Variants in PHAF1 observed in about 807,000 individuals in gnomAD.
PHAF1 encodes phagophore assembly factor 1.
PHAF1 carries 23 observed loss-of-function variants against 63.1 expected under a neutral mutation model. The observed-to-expected ratio is 0.36, with a 90% CI of 0.26 to 0.52. PHAF1 has a LOEUF of 0.52. Among genes scored for constraint, PHAF1 ranks in the 20% least tolerant of loss-of-function variants. PHAF1 has a pLI of 0.93. For synonymous variants in PHAF1, 167 were observed against 185.0 expected (o/e 0.90, Z 0.79); for missense variants, 427 against 517.2 (o/e 0.83, Z 1.69).
chr16:67,139,208 C>T (rs1033485083), intron 8 of PHAF1, among the ~76,000 whole-genome samples: 7 of 151,904 alleles, frequency 4.6e-5, no homozygotes, highest in African/African-American at 1.7e-4. Context: ...AGGCAAGAGC[C>T]ACCACACCCG....
chr16:67,114,915 T>C (rs745316898), intron 1 of PHAF1, among the ~76,000 whole-genome samples: 2 of 152,230 alleles, frequency 1.3e-5, no homozygotes, highest in Non-Finnish European at 2.9e-5. Flanking sequence ...ACAGAGAAGA[T>C]GAAAAGATCA....
intron 3 of PHAF1, among the ~76,000 whole-genome samples, chr16:67,130,756 A>C (rs1051486431): frequency 3.9e-5 from 6 of 152,196 alleles, no homozygotes; most frequent in Non-Finnish European, 8.8e-5. Context: ...AACAAGCTTC[A>C]TGTCTGTGGA....
intron 15 of PHAF1, among the ~76,000 whole-genome samples, 170 bp from the exon 16 acceptor site, chr16:67,146,875 G>A (rs1157501167): frequency 4.6e-5 from 7 of 152,122 alleles, no homozygotes. Flanking sequence ...TGAGAAACAG[G>A]CAGATCTCAG....
intron 9 of PHAF1, 53 bp downstream of exon 9, chr16:67,140,170 A>G: frequency 6.4e-7 from 1 of 1,570,252 alleles, no homozygotes; most frequent in Non-Finnish European, 8.7e-7. Context: ...CACTAATTTA[A>G]TATTGAGTAT....
chr16:67,123,235 C>T (rs1963056109), intron 2 of PHAF1, among the ~76,000 whole-genome samples: 1 of 151,798 alleles, frequency 6.6e-6, no homozygotes, highest in Admixed American at 6.6e-5. Context: ...CCTCAGCCTC[C>T]TGGGTAGCTG....
Position 67,111,147 on chromosome 16 carries a change from C to G in PHAF1, c.64+908C>G, listed in dbSNP as rs1386377552. 2.6e-5 allele frequency among the ~76,000 whole-genome samples: 4 copies of G among 152,148 alleles called. No individual in the cohort carries two copies. The South Asian group carries it at 6.2e-4, about 24-fold the overall frequency. ...CTCTCTTTTGAAATATAGTCTGTAT[C>G]GGATGCTGTAATCCTAAACCCAGAC... On this transcript the variant is annotated intron_variant, in intron 1 of 15. Transcript: ENST00000219139.
intron 15 of PHAF1, 22 bp downstream of exon 15, chr16:67,146,372 A>C (rs1461833892): frequency 1.2e-6 from 2 of 1,606,838 alleles, no homozygotes; most frequent in African/African-American, 1.3e-5. Flanking sequence ...AAGCCCTAGA[A>C]ATAAACTGCC....
chr16:67,144,976 C>A, intron 12 of PHAF1, 99 bp downstream of exon 12: 1 of 1,446,398 alleles, frequency 6.9e-7, no homozygotes, highest in Non-Finnish European at 9.7e-7. Flanking sequence ...ATGTGTGGAG[C>A]TTCTGCCCAT....
chr16:67,145,585 G>C lies in PHAF1; in HGVS notation c.1066G>C (p.Glu356Gln). The stretch of plus-strand genomic sequence containing the variant: ...CCTCTTGCAGTGGGACAACATCCAG[G>C]AGCTCCTGGGCCACCCTGTGGAGAA... Reference protein sequence around the residue: ...TTYSKWDNIQELLGHPVEKPV... With the variant: ...TTYSKWDNIQQLLGHPVEKPV... The change falls in exon 14 of 16, where the codon GAG becomes CAG. Residue 356 changes from glutamate to glutamine, a missense_variant. By Grantham distance (29) the Glu-to-Gln change is conservative (BLOSUM62 2). Transcript: ENST00000219139. The C allele has an allele frequency of 6.2e-7, 1 of 1,613,964 alleles. No homozygotes were observed. The highest frequency in any genetic ancestry group is 8.5e-7 in the Non-Finnish European group (1 of 1,179,984).
intron 2 of PHAF1, among the ~76,000 whole-genome samples, chr16:67,124,772 G>A (rs759891288): frequency 7.2e-5 from 11 of 151,850 alleles, no homozygotes; most frequent in Admixed American, 2.0e-4. Context: ...GCGTGGTGGC[G>A]GGCGCCTGTA....
Position 67,140,535 on chromosome 16 carries a change from C to T in PHAF1, c.820C>T (p.His274Tyr), listed in dbSNP as rs1363575064. Residue 274 changes from histidine (H) to tyrosine (Y), a missense_variant, in exon 10 of 16, where the codon CAT becomes TAT. Transcript: ENST00000219139. ...GATGAAAATTCATTCTCCTTCCCCT[C>T]ATAAACAAGTTCCATCGAAGTGTAA... ...DKMKIHSPSP[H>Y]KQVPSKCNDY... 1 of 1,598,108 alleles carries T rather than the reference C, an allele frequency of 6.3e-7. No individual in the cohort carries two copies.
intron 3 of PHAF1, among the ~76,000 whole-genome samples, chr16:67,129,249 C>T (rs1435762671): frequency 6.6e-6 from 1 of 152,194 alleles, no homozygotes; most frequent in Non-Finnish European, 1.5e-5. Context: ...AGCTTCATAC[C>T]AGGCAGAATT....
chr16:67,113,451 C>CTTT (rs1011100173), intron 1 of PHAF1, among the ~76,000 whole-genome samples: 3 of 139,416 alleles, frequency 2.2e-5, no homozygotes, highest in African/African-American at 5.2e-5. Flanking sequence ...TTTTCTTTTT[C>CTTT]TTTTTTTTTT....
chr16:67,125,866 T>C, intron 2 of PHAF1, 93 bp from the exon 3 acceptor site: 1 of 918,742 alleles, frequency 1.1e-6, no homozygotes, highest in East Asian at 2.4e-5. Context: ...CACTTAGATA[T>C]TCCTTGTGTG....
chr16:67,117,199 A>ATTTTTTTTTTTTT (rs750308105), intron 1 of PHAF1, among the ~76,000 whole-genome samples: 88 of 111,948 alleles, frequency 7.9e-4, no homozygotes, highest in South Asian at 6.3e-3. Flanking sequence ...TGCCCAGCTA[A>ATTTTTTTTTTTTT]TTTTTTTTTT....
At chr16:67,118,123 ATTTTTTT>A (rs772394136) in intron 1 of PHAF1, among the ~76,000 whole-genome samples, 28 of 120,942 alleles carry the variant, frequency 2.3e-4, no homozygotes, top group Middle Eastern at 4.6e-3. Flanking sequence ...CGCCCGGCTA[ATTTTTTT>A]TTTTTTTTTT....
At chr16:67,139,832 G>C in intron 8 of PHAF1, 152 bp from the exon 9 acceptor site, 5 of 788,254 alleles carry the variant, frequency 6.3e-6, no homozygotes, top group Non-Finnish European at 1.1e-5. Flanking sequence ...ACAGTCTTAA[G>C]CCCTGGTGAC....
At chr16:67,125,029 A>G (rs1458192832) in intron 2 of PHAF1, among the ~76,000 whole-genome samples, 2 of 152,166 alleles carry the variant, frequency 1.3e-5, no homozygotes, top group Admixed American at 6.6e-5. Flanking sequence ...ATCTTCAGAC[A>G]TTGAATCCTT....
chr16:67,119,735 C>T (rs924519820), intron 1 of PHAF1, among the ~76,000 whole-genome samples: 3 of 146,284 alleles, frequency 2.1e-5, no homozygotes, highest in African/African-American at 5.1e-5. Flanking sequence ...ACCATGTTAG[C>T]TAGGCTGGTT....
Sources: allele counts gnomAD v4.1 joint callset (sites outside exome capture counted in the v4.1 genomes callset), GRCh38; gene constraint gnomAD v4.1.1; transcripts MANE v1.5; gene names NCBI Gene and HGNC (gene_info 2026-07-23, HGNC 2026-07-21).